The following SCP2 variants were observed in gnomAD, a reference collection of about 807,000 sequenced individuals.
The protein encoded by SCP2 is SCP-2/3-oxoacyl-CoA thiolase.
SCP2 carries 48 observed loss-of-function variants against 71.4 expected under a neutral mutation model. The ratio of observed to expected loss-of-function variants is 0.67; its 90% CI spans 0.53 to 0.86. The LOEUF (loss-of-function observed/expected upper bound fraction) is 0.86. SCP2 is among the 40% of genes least tolerant of loss of function. The pLI is 0.00. For missense variants in SCP2, 560 were observed against 655.6 expected, an observed-to-expected ratio of 0.85 and a Z score of 1.59; for synonymous variants, 220 against 218.1, an observed-to-expected ratio of 1.01 and a Z score of -0.08.
intron 13 of SCP2, among the ~76,000 whole-genome samples, chr1:53,034,390 G>A (rs1369094314): frequency 6.6e-6 from 1 of 152,018 alleles, no homozygotes; most frequent in Non-Finnish European, 1.5e-5. Context: ...TATATGAAAT[G>A]TCCAGAATAA....
At chr1:53,021,941 G>A (rs956858246) in intron 12 of SCP2, among the ~76,000 whole-genome samples, 22 of 152,102 alleles carry the variant, frequency 1.4e-4, no homozygotes, top group South Asian at 4.1e-4. Context: ...CACCATGCCC[G>A]GCCTCATCAA....
In SCP2 at chr1:52,997,986, T is replaced by C. The variant is rs187367858; in HGVS notation, c.1081+9850T>C. ...TGCTGATCCTAGAACTTCATATAAA[T>C]GGAATCATACAGCACATGTATGTAT... On this transcript the variant is annotated intron_variant, in intron 11 of 15. Coordinates refer to ENST00000371514, the MANE Select transcript of SCP2 (RefSeq NM_002979.5). Among the ~76,000 whole-genome samples, 370 of 152,358 alleles carry C rather than the reference T, an allele frequency of 2.4e-3. 1 individual carries two copies. Among genetic ancestry groups the C allele is most frequent in the Middle Eastern group, 0.017 (5 of 294 alleles).
intron 5 of SCP2, among the ~76,000 whole-genome samples, chr1:52,957,954 G>T (rs770882670): frequency 1.3e-5 from 2 of 152,156 alleles, no homozygotes; most frequent in Non-Finnish European, 2.9e-5. Flanking sequence ...TTTGTGAAGG[G>T]TGTAAGGTCT....
chr1:53,036,503 AC>A (rs1048852980), intron 13 of SCP2, among the ~76,000 whole-genome samples: 1 of 149,348 alleles, frequency 6.7e-6, no homozygotes, highest in African/African-American at 2.4e-5. Context: ...ACTTCTACAA[AC>A]CTAGCCAAGT....
intron 13 of SCP2, among the ~76,000 whole-genome samples, chr1:53,029,184 CAGAA>C (rs1285458481): frequency 6.6e-6 from 1 of 151,948 alleles, no homozygotes; most frequent in Non-Finnish European, 1.5e-5. Flanking sequence ...AATAACTCTC[CAGAA>C]AGAAAGTTAT....
intron 14 of SCP2, among the ~76,000 whole-genome samples, chr1:53,046,979 TAG>T (rs1277456699): frequency 6.6e-6 from 1 of 152,258 alleles, no homozygotes; most frequent in African/African-American, 2.4e-5. Flanking sequence ...GTCCTCTGCA[TAG>T]AGTCACACAA....
At chr1:53,010,342 G>A (rs4926943) in intron 11 of SCP2, among the ~76,000 whole-genome samples, 10,132 of 152,150 alleles carry the variant, frequency 0.067, 445 homozygotes, top group African/African-American at 0.12. Flanking sequence ...TGTTTATTGT[G>A]GCACTATTCA....
chr1:53,039,772 TC>T (rs1172223056), intron 14 of SCP2, among the ~76,000 whole-genome samples: 1 of 152,222 alleles, frequency 6.6e-6, no homozygotes, highest in Non-Finnish European at 1.5e-5. Context: ...TCTTAACTAG[TC>T]CCATGCTTTG....
At chr1:52,985,801 C>T (rs1658936363) in intron 10 of SCP2, among the ~76,000 whole-genome samples, 1 of 152,064 alleles carries the variant, frequency 6.6e-6, no homozygotes, top group African/African-American at 2.4e-5. Flanking sequence ...ACATGATTTG[C>T]TCTCTCACTC....
rs573557498 is a variant in SCP2, at chr1:52,927,436, G to C, written c.40G>C (p.Val14Leu). ...SPWEPATLRRVFVVGVGMTKF... is the reference protein window; with the variant it reads ...SPWEPATLRRLFVVGVGMTKF... ...GTGGGAGCCTGCGACCCTGCGCCGGGTGTTCGTGGTGGGGGTTGGCATGAC... is the reference window on the plus strand; with the variant it reads ...GTGGGAGCCTGCGACCCTGCGCCGGCTGTTCGTGGTGGGGGTTGGCATGAC... Residue 14 changes from valine (V) to leucine (L), a missense_variant, in exon 1 of 16, where the codon GTG becomes CTG. Val to Leu is a conservative substitution (Grantham distance 32). Transcript: ENST00000371514. 2.5e-6 allele frequency: 4 copies of C among 1,602,624 alleles called. No homozygotes were observed. Among genetic ancestry groups the C allele is most frequent in the African/African-American group, 2.7e-5 (2 of 74,846 alleles).
chr1:52,969,682 G>A (rs1193157634), intron 6 of SCP2, among the ~76,000 whole-genome samples: 5 of 151,972 alleles, frequency 3.3e-5, no homozygotes, highest in Admixed American at 2.6e-4. Flanking sequence ...TTAGCCGGGC[G>A]TGGTCGCGTG....
At chr1:52,953,522 A>C (rs1011989327) in intron 4 of SCP2, among the ~76,000 whole-genome samples, 1 of 151,834 alleles carries the variant, frequency 6.6e-6, no homozygotes, top group Non-Finnish European at 1.5e-5. Flanking sequence ...ATTTTTGTAT[A>C]TTTTGTAGAG....
intron 6 of SCP2, among the ~76,000 whole-genome samples, chr1:52,969,233 A>G (rs1657238336): frequency 6.6e-6 from 1 of 152,054 alleles, no homozygotes; most frequent in South Asian, 2.1e-4. Context: ...AAATATAATC[A>G]ATATGTGGCC....
chr1:53,033,752 G>T (rs1662721308), intron 13 of SCP2, among the ~76,000 whole-genome samples: 1 of 152,084 alleles, frequency 6.6e-6, no homozygotes, highest in South Asian at 2.1e-4. Context: ...CACTTTGGGA[G>T]TGCCTTAAAA....
intron 11 of SCP2, among the ~76,000 whole-genome samples, chr1:53,002,594 G>A (rs1212280942): frequency 6.6e-6 from 1 of 152,156 alleles, no homozygotes; most frequent in East Asian, 1.9e-4. Context: ...CATCTGTTGG[G>A]CCTTAGATTT....
rs777134729 is a variant in SCP2, at chr1:52,978,311, C to G, written c.769C>G (p.Gln257Glu). ...ATCCAAAGCTGTGGAAATTTTGGCACAAGAAATGATGACTGATTTGCCAAG... is the reference window on the plus strand; with the variant it reads ...ATCCAAAGCTGTGGAAATTTTGGCAGAAGAAATGATGACTGATTTGCCAAG... Reference protein sequence around the residue: ...LQSKAVEILAQEMMTDLPSSF... With the variant: ...LQSKAVEILAEEMMTDLPSSF... The change falls in exon 9 of 16, where the codon CAA becomes GAA. Residue 257 changes from glutamine to glutamate, a missense_variant. Transcript: ENST00000371514. The G allele has an allele frequency of 4.9e-5, 79 of 1,613,800 alleles. No homozygotes were observed. The highest frequency in any genetic ancestry group is 6.1e-5 in the Non-Finnish European group (72 of 1,179,888).
At chr1:53,039,129 T>G (rs1194222103) in intron 14 of SCP2, 83 bp downstream of exon 14, 1 of 1,535,654 alleles carries the variant, frequency 6.5e-7, no homozygotes, top group East Asian at 2.3e-5. Flanking sequence ...TCTGCTTTAC[T>G]GTTCCCAAAA....
intron 13 of SCP2, among the ~76,000 whole-genome samples, chr1:53,036,012 T>C (rs1572219819): frequency 2.7e-5 from 3 of 109,262 alleles, no homozygotes; most frequent in African/African-American, 1.2e-4. Context: ...AGAGCGAGAC[T>C]CCGTCTCAAA....
chr1:52,977,566 G>A (rs1658090655), intron 8 of SCP2, among the ~76,000 whole-genome samples: 1 of 152,208 alleles, frequency 6.6e-6, no homozygotes, highest in South Asian at 2.1e-4. Flanking sequence ...GCGGTCTGTA[G>A]TAGAATCTTT....
Sources: allele counts gnomAD v4.1 joint callset (sites outside exome capture counted in the v4.1 genomes callset), GRCh38; gene constraint gnomAD v4.1.1; transcripts MANE v1.5; gene names NCBI Gene and HGNC (gene_info 2026-07-23, HGNC 2026-07-21).